The following AKAP13 variants were observed in gnomAD, a reference collection of about 807,000 sequenced individuals.
AKAP13 encodes A-kinase anchor protein 13.
A neutral mutation model predicts 264.5 loss-of-function variants in AKAP13; 80 were observed. The ratio of observed to expected loss-of-function variants is 0.30; its 90% CI spans 0.25 to 0.36. AKAP13 has a LOEUF of 0.36. AKAP13 is among the 10% of genes least tolerant of loss of function. The probability of loss-of-function intolerance (pLI) is 1.00; values close to 1 mark genes in which losing one functional copy is unlikely to be tolerated. For synonymous variants in AKAP13, 1,380 were observed against 1,250.2 expected (o/e 1.10, Z -2.19); for missense variants, 3,712 against 3,435.2 (o/e 1.08, Z -2.01).
In AKAP13 at chr15:85,708,167, T is replaced by C. The variant is rs1284118325; in HGVS notation, c.5532+81T>C. 17 of 1,312,284 alleles carry C rather than the reference T, an allele frequency of 1.3e-5. No homozygotes were observed. Among genetic ancestry groups the C allele is most frequent in the African/African-American group, 2.9e-5 (2 of 68,532 alleles). The allele number at this position is 1,312,284 out of a possible 1,614,324, so 81.3% of individuals were successfully genotyped here. A position where few individuals can be genotyped will look rare whatever the true frequency, so the allele number is the denominator to read the frequency against. On this transcript the variant is annotated intron_variant, in intron 18 of 36. Coordinates refer to ENST00000394518, the MANE Select transcript of AKAP13 (RefSeq NM_007200.5). This position sits in a 1 kb window ranked among gnomAD's most constrained non-coding sequence, Gnocchi z 4.3. ...TCCTCGGGAGTTGGGAGAGTTGAGG[T>C]TGTGGTGGATTTTGTTTATTTTAAT...
intron 1 of AKAP13, among the ~76,000 whole-genome samples, chr15:85,483,874 A>G (rs2151053026): frequency 6.6e-6 from 1 of 152,284 alleles, no homozygotes; most frequent in East Asian, 1.9e-4. Flanking sequence ...AAAGCTTATC[A>G]GCTATTATTA....
At chr15:85,642,734 A>G (rs891481527) in intron 9 of AKAP13, among the ~76,000 whole-genome samples, 5 of 152,100 alleles carry the variant, frequency 3.3e-5, no homozygotes, top group South Asian at 2.1e-4. Flanking sequence ...TGGGTGAGGT[A>G]TTCCTCCCAG....
intron 1 of AKAP13, among the ~76,000 whole-genome samples, chr15:85,443,771 AAGTGT>A (rs1567060395): frequency 9.5e-6 from 1 of 105,406 alleles, no homozygotes; most frequent in Non-Finnish European, 2.2e-5. Flanking sequence ...AAAAAAAAAA[AAGTGT>A]GTGTGTGTGT....
chr15:85,711,080 A>G (rs1403920101), intron 19 of AKAP13, among the ~76,000 whole-genome samples: 1 of 151,936 alleles, frequency 6.6e-6, no homozygotes, highest in Admixed American at 6.5e-5. Flanking sequence ...CAATAGCACA[A>G]TCTCGGCTCA....
At chr15:85,610,535 G>C (rs138462205) in intron 8 of AKAP13, among the ~76,000 whole-genome samples, 102 of 152,186 alleles carry the variant, frequency 6.7e-4, no homozygotes, top group African/African-American at 2.4e-3. Context: ...TCAGTGTTTT[G>C]TTTTCTTCTT....
At chr15:85,736,633 G>A (rs1430942509) in intron 33 of AKAP13, among the ~76,000 whole-genome samples, 1 of 152,018 alleles carries the variant, frequency 6.6e-6, no homozygotes, top group Non-Finnish European at 1.5e-5. Context: ...CCTGGACACA[G>A]GCAGTCCACC....
Position 85,748,435 on chromosome 15 carries a change from C to G in AKAP13, c.*3758C>G, listed in dbSNP as rs1014321692. ...GTGCCTTGCCTTCCTTCAGCAGGAC[C>G]GTCTAGGTGCGCAGCCACCTATGGA... On this transcript the variant is annotated 3_prime_UTR_variant, in exon 37 of 37. Coordinates refer to ENST00000394518, the MANE Select transcript of AKAP13 (RefSeq NM_007200.5). 3.9e-5 allele frequency: 6 copies of G among 152,318 alleles called. No homozygotes were observed. The South Asian group carries it at 1.0e-3, about 26-fold the overall frequency. The allele number at this position is 152,318 out of a possible 1,614,324, so 9.4% of individuals were successfully genotyped here.
At chr15:85,587,428 A>T (rs1292881995) in intron 8 of AKAP13, among the ~76,000 whole-genome samples, 2 of 152,202 alleles carry the variant, frequency 1.3e-5, no homozygotes, top group African/African-American at 4.8e-5. Flanking sequence ...TTGTATAGAT[A>T]TACCACATTT....
intron 3 of AKAP13, among the ~76,000 whole-genome samples, chr15:85,532,403 A>G (rs1266956432): frequency 6.6e-6 from 1 of 152,248 alleles, no homozygotes; most frequent in Non-Finnish European, 1.5e-5. Context: ...GACCATGTAG[A>G]GGGTTTCCCT....
At chr15:85,687,069 A>G (rs1253212626) in intron 16 of AKAP13, among the ~76,000 whole-genome samples, 1 of 152,208 alleles carries the variant, frequency 6.6e-6, no homozygotes, top group African/African-American at 2.4e-5. Flanking sequence ...CATCTCATGG[A>G]TAAGGTAAAA....
In AKAP13 at chr15:85,693,389, G is replaced by C; in HGVS notation, c.5402G>C (p.Gly1801Ala). 6.2e-7 allele frequency: 1 copy of C among 1,613,924 alleles called. No homozygotes were observed. The highest frequency in any genetic ancestry group is 8.5e-7 in the Non-Finnish European group (1 of 1,179,946). ...GHTFSSIPVV[G>A]PISCSQCMKP... The stretch of plus-strand genomic sequence containing the variant: ...ACTTTCAGTTCCATTCCTGTTGTGG[G>C]TCCCATCAGCTGTAGCCAGTGTATG... Residue 1801 changes from glycine to alanine, a missense_variant, in exon 17 of 37, where the codon GGT (glycine) becomes GCT (alanine). By Grantham distance (60) the Gly-to-Ala change is moderately conservative. This residue lies in a region of AKAP13 where 2,759 missense variants were observed against 2,411.7 expected (regional missense o/e 1.14). Transcript: ENST00000394518.
intron 8 of AKAP13, among the ~76,000 whole-genome samples, chr15:85,587,609 A>T (rs2079413059): frequency 6.6e-6 from 1 of 151,984 alleles, no homozygotes; most frequent in Admixed American, 6.6e-5. Context: ...AGGTCTTGAG[A>T]TTATTTTTCT....
At position 85,744,670 on chromosome 15, in the gene AKAP13, T is replaced by G. The variant is rs377407851; in HGVS notation, c.8435T>G (p.Phe2812Cys). The G allele has an allele frequency of 1.5e-5, 24 of 1,608,980 alleles. No individual in the cohort carries two copies. Among genetic ancestry groups the G allele is most frequent in the Admixed American group, 3.4e-5 (2 of 59,254 alleles). Residue 2812 changes from phenylalanine (F) to cysteine (C), a missense_variant, in exon 37 of 37, where the codon TTC (phenylalanine) becomes TGC (cysteine). Around this residue, in one of 3 missense-constraint regions of AKAP13, gnomAD observed 611 missense variants for 539.3 expected, o/e 1.13. Coordinates refer to ENST00000394518, the MANE Select transcript of AKAP13 (RefSeq NM_007200.5). ...SEVSAEGEEI[F>C]C ...GTATCAGCAGAGGGTGAAGAGATCTTCTGCTGACCCTCTTCCTCTCTGCTG... is the reference window on the plus strand; with the variant it reads ...GTATCAGCAGAGGGTGAAGAGATCTGCTGCTGACCCTCTTCCTCTCTGCTG...
Position 85,718,954 on chromosome 15 carries a change from T to C in AKAP13, c.6002-122T>C. ...AACACTTTTAGGGGAAAGATAGCTG[T>C]TGACCCAATTTTAAGGTTCAAATTG... On this transcript the variant is annotated intron_variant, in intron 22 of 36. Coordinates refer to ENST00000394518, the MANE Select transcript of AKAP13 (RefSeq NM_007200.5). The surrounding 1 kb of genome is among the most constrained non-coding windows in gnomAD (Gnocchi z 4.9). The C allele has an allele frequency of 7.3e-7, 1 of 1,375,140 alleles. No individual in the cohort carries two copies. Among genetic ancestry groups the C allele is most frequent in the South Asian group, 1.4e-5 (1 of 72,090 alleles). The allele number at this position is 1,375,140 out of a possible 1,614,324, so 85.2% of individuals were successfully genotyped here. A position where few individuals can be genotyped will look rare whatever the true frequency, so the allele number is the denominator to read the frequency against.
intron 1 of AKAP13, among the ~76,000 whole-genome samples, chr15:85,437,606 A>T (rs1031562547): frequency 2.0e-5 from 3 of 152,196 alleles, no homozygotes; most frequent in African/African-American, 7.2e-5. Flanking sequence ...GCAGCACATC[A>T]AAAAGCTTAT....
At chr15:85,647,125 G>A (rs2082595069) in intron 10 of AKAP13, among the ~76,000 whole-genome samples, 2 of 152,184 alleles carry the variant, frequency 1.3e-5, no homozygotes, top group South Asian at 4.1e-4. Flanking sequence ...TAGGCCGGGT[G>A]TGGTGGCTCA....
chr15:85,719,645 A>G (rs72750161), intron 23 of AKAP13, among the ~76,000 whole-genome samples: 3 of 152,120 alleles, frequency 2.0e-5, no homozygotes, highest in Admixed American at 6.5e-5. Flanking sequence ...TTAAGAAATC[A>G]ATTAATATGG....
intron 1 of AKAP13, among the ~76,000 whole-genome samples, chr15:85,426,984 C>T (rs1307405100): frequency 2.4e-5 from 3 of 125,110 alleles, no homozygotes; most frequent in Non-Finnish European, 1.6e-5. Context: ...GGGACGGAGT[C>T]TCACACTGTC....
intron 5 of AKAP13, among the ~76,000 whole-genome samples, chr15:85,552,453 A>C (rs1286214627): frequency 6.6e-6 from 1 of 152,208 alleles, no homozygotes; most frequent in African/African-American, 2.4e-5. Context: ...TTTTGTTTAA[A>C]TCTTTAATGT....
Sources: allele counts gnomAD v4.1 joint callset (sites outside exome capture counted in the v4.1 genomes callset), GRCh38; gene constraint gnomAD v4.1.1; regional missense constraint gnomAD v4.1.1; non-coding constraint Gnocchi (gnomAD v3.1); transcripts MANE v1.5; gene names NCBI Gene and HGNC (gene_info 2026-07-23, HGNC 2026-07-21).